RSF1: variants seen among roughly 807,000 people sequenced by gnomAD.
The protein encoded by RSF1 is remodeling and spacing factor 1.
In RSF1, 13 loss-of-function variants were observed where a neutral mutation model predicts 145.2. That is an observed-to-expected ratio of 0.09 (90% CI 0.06 to 0.14). RSF1 has a LOEUF of 0.14. RSF1 is among the 10% of genes least tolerant of loss of function. The pLI, the probability that RSF1 is intolerant of heterozygous loss-of-function variation, is 1.00. For missense variants in RSF1, 1,517 were observed against 1,718.2 expected, an observed-to-expected ratio of 0.88 and a Z score of 2.07; for synonymous variants, 577 against 592.6, an observed-to-expected ratio of 0.97 and a Z score of 0.38.
At chr11:77,817,232 T>G (rs1306454232) in intron 1 of RSF1, among the ~76,000 whole-genome samples, 3 of 152,214 alleles carry the variant, frequency 2.0e-5, no homozygotes, top group African/African-American at 7.2e-5. Context: ...TAGCTAAATT[T>G]CAACAAATAA....
chr11:77,678,885 C>G (rs932521373), intron 11 of RSF1, among the ~76,000 whole-genome samples: 1 of 152,178 alleles, frequency 6.6e-6, no homozygotes, highest in Non-Finnish European at 1.5e-5. Flanking sequence ...GTATCTTGAC[C>G]TTGGACCTCC....
chr11:77,802,958 T>C (rs991962840), intron 1 of RSF1, among the ~76,000 whole-genome samples: 4 of 152,046 alleles, frequency 2.6e-5, no homozygotes, highest in African/African-American at 7.2e-5. Flanking sequence ...TGAGGCCTCA[T>C]CTCTAAAAAA....
At chr11:77,734,802 G>T in intron 4 of RSF1, 5 of 1,594,552 alleles carry the variant, frequency 3.1e-6, no homozygotes, top group Non-Finnish European at 4.3e-6. Context: ...CACCTCGTTG[G>T]TTCTGCAGCT....
intron 1 of RSF1, among the ~76,000 whole-genome samples, chr11:77,785,924 T>TC (rs1407130267): frequency 1.3e-4 from 1 of 7,446 alleles, no homozygotes; most frequent in Non-Finnish European, 2.8e-4. Flanking sequence ...AGATTCTGTC[T>TC]CAAAAAAAAA....
At chr11:77,742,007 A>G (rs1268115116) in intron 3 of RSF1, among the ~76,000 whole-genome samples, 2 of 152,216 alleles carry the variant, frequency 1.3e-5, no homozygotes, top group East Asian at 1.9e-4. Context: ...TGTTGTCACG[A>G]AAGCAGGAAT....
intron 5 of RSF1, among the ~76,000 whole-genome samples, chr11:77,719,624 A>G (rs562500604): frequency 6.6e-6 from 1 of 152,352 alleles, no homozygotes; most frequent in South Asian, 2.1e-4. Flanking sequence ...ATGAAAACAT[A>G]TGTTCCCTCA....
chr11:77,844,992 C>T, the RSF1 span, among the ~76,000 whole-genome samples: 140 of 152,260 alleles, frequency 9.2e-4, no homozygotes, highest in African/African-American at 3.3e-3. Context: ...ATTATTAGAT[C>T]TCCCTTGGAC....
Position 77,740,770 on chromosome 11 carries a change from T to C in RSF1, c.539A>G (p.Gln180Arg). The change falls in exon 4 of 16, where the codon CAA (glutamine) becomes CGA (arginine). Residue 180 changes from glutamine (Q) to arginine (R), a missense_variant. Physicochemically the swap from Gln to Arg is conservative, Grantham distance 43. Transcript: ENST00000308488. ...CCATGAAGAGCCATCTTGATCATCT[T>C]GTTCTTCTATGTACATTCTGACATT... ...DHNVRMYIEE[Q>R]DDQDGSSWKC... 1 of 1,614,176 alleles carries C rather than the reference T, an allele frequency of 6.2e-7. No homozygotes were observed. Among genetic ancestry groups the C allele is most frequent in the Non-Finnish European group, 8.5e-7 (1 of 1,180,016 alleles).
chr11:77,808,528 T>TTC, intron 1 of RSF1, among the ~76,000 whole-genome samples: 2 of 1,088 alleles, frequency 1.8e-3, no homozygotes, highest in South Asian at 0.048. Context: ...ATATTATACC[T>TTC]TTTTTTTTTT....
chr11:77,758,532 C>A (rs1948138998), intron 2 of RSF1, among the ~76,000 whole-genome samples: 1 of 152,164 alleles, frequency 6.6e-6, no homozygotes, highest in Admixed American at 6.5e-5. Context: ...AAACTCCCTT[C>A]CATAGCAGCT....
chr11:77,787,252 T>C (rs1000828346), intron 1 of RSF1, among the ~76,000 whole-genome samples: 1 of 152,202 alleles, frequency 6.6e-6, no homozygotes, highest in Non-Finnish European at 1.5e-5. Flanking sequence ...AAGCTCATCT[T>C]TTGGCTAACA....
At chr11:77,831,304 A>G in the RSF1 span, among the ~76,000 whole-genome samples, 1 of 152,090 alleles carries the variant, frequency 6.6e-6, no homozygotes, top group East Asian at 1.9e-4. Context: ...CCTCAAAATG[A>G]TAAACATAAA....
intron 1 of RSF1, among the ~76,000 whole-genome samples, chr11:77,766,094 C>T (rs1948222446): frequency 6.6e-6 from 1 of 151,854 alleles, no homozygotes; most frequent in African/African-American, 2.4e-5. Context: ...CAGTATACTA[C>T]CTAAAAAGAT....
At chr11:77,725,479 G>T in intron 5 of RSF1, 66 bp downstream of exon 5, 1 of 1,212,190 alleles carries the variant, frequency 8.2e-7, no homozygotes, top group Non-Finnish European at 1.1e-6. Flanking sequence ...ATATAGTTGG[G>T]AAGAGGAGTG....
chr11:77,791,850 G>T (rs1245573752), intron 1 of RSF1, among the ~76,000 whole-genome samples: 1 of 152,242 alleles, frequency 6.6e-6, no homozygotes, highest in Admixed American at 6.5e-5. Flanking sequence ...CAAGTCTCTA[G>T]GAAGTTCTAA....
At chr11:77,861,820 C>T in the RSF1 span, among the ~76,000 whole-genome samples, 1 of 152,134 alleles carries the variant, frequency 6.6e-6, no homozygotes, top group African/African-American at 2.4e-5. Context: ...TCCCGTTCTG[C>T]CTGCTCCTCC....
At chr11:77,784,790 GT>G (rs1327791325) in intron 1 of RSF1, among the ~76,000 whole-genome samples, 1 of 152,172 alleles carries the variant, frequency 6.6e-6, no homozygotes, top group Non-Finnish European at 1.5e-5. Context: ...TCTGGTCAGA[GT>G]TCAAACATCT....
the RSF1 span, among the ~76,000 whole-genome samples, chr11:77,859,128 G>A: frequency 6.6e-6 from 1 of 152,200 alleles, no homozygotes; most frequent in Non-Finnish European, 1.5e-5. Flanking sequence ...TTCTTCAGTG[G>A]CTAGCCATCC....
At chr11:77,842,464 T>G in the RSF1 span, 4 of 1,607,674 alleles carry the variant, frequency 2.5e-6, no homozygotes, top group Non-Finnish European at 3.4e-6. Flanking sequence ...TAGTATATTT[T>G]TCTTTTAATT....
Sources: allele counts gnomAD v4.1 joint callset (sites outside exome capture counted in the v4.1 genomes callset), GRCh38; gene constraint gnomAD v4.1.1; transcripts MANE v1.5; gene names NCBI Gene and HGNC (gene_info 2026-07-23, HGNC 2026-07-21).